PROCA1: variants seen among roughly 807,000 people sequenced by gnomAD.
PROCA1 encodes protein interacting with cyclin A1.
PROCA1 carries 22 observed loss-of-function variants against 23.2 expected under a neutral mutation model. The observed-to-expected ratio is 0.95, with a 90% confidence interval of 0.68 to 1.35. PROCA1 has a LOEUF of 1.35. Among genes scored for constraint, PROCA1 ranks in the 40% most tolerant of loss-of-function variants. PROCA1 has a pLI of 0.00. For missense variants in PROCA1, 469 were observed against 459.8 expected (o/e 1.02, Z -0.18); for synonymous variants, 182 against 179.2 (o/e 1.02, Z -0.12).
chr17:28,703,440 G>T lies in PROCA1; in HGVS notation c.*118C>A. On this transcript the variant is annotated 3_prime_UTR_variant, in exon 5 of 5. Transcript: ENST00000682792. ...GCTGGATTGCCTTTGAGAAACCCCT[G>T]CAGCCCTGAGCCCACCCCTTGCCCC... The T allele has an allele frequency of 9.2e-7, 1 of 1,083,956 alleles. No homozygotes were observed. Among genetic ancestry groups the T allele is most frequent in the Non-Finnish European group, 1.3e-6 (1 of 751,608 alleles). 67.1% of individuals were successfully genotyped at this position (1,083,956 alleles called of 1,614,324 possible). A position where few individuals can be genotyped will look rare whatever the true frequency, so the allele number is the denominator to read the frequency against.
intron 1 of PROCA1, chr17:28,710,946 G>T: frequency 7.7e-7 from 1 of 1,295,628 alleles, no homozygotes; most frequent in South Asian, 1.2e-5. Context: ...AGGCACTGGG[G>T]GTGGGCACCA....
At chr17:28,707,044 T>C in intron 1 of PROCA1, 1 of 329,444 alleles carries the variant, frequency 3.0e-6, no homozygotes, top group South Asian at 2.3e-5. Flanking sequence ...AAGGGCCACC[T>C]ACCAGGACTG....
intron 1 of PROCA1, among the ~76,000 whole-genome samples, chr17:28,707,653 T>A (rs1567716860): frequency 1.3e-5 from 2 of 152,142 alleles, no homozygotes; most frequent in African/African-American, 4.8e-5. Flanking sequence ...AGTGACACCT[T>A]CTCCTTCTTT....
chr17:28,711,169 GATGGAACCGCCCGCTCCCGCCCC>G, intron 1 of PROCA1: 2 of 1,170,478 alleles, frequency 1.7e-6, no homozygotes, highest in Non-Finnish European at 2.1e-6. Context: ...CCTCAGGGTC[GATGGAACCGCCCGCTCCCGCCCC>G]GGCGTCCGGG....
At chr17:28,705,007 T>A in intron 2 of PROCA1, 164 bp from the exon 3 acceptor site, 2 of 638,158 alleles carry the variant, frequency 3.1e-6, no homozygotes, top group Non-Finnish European at 5.4e-6. Flanking sequence ...TAACCCCATG[T>A]CCCAGCAAAG....
At chr17:28,711,282 G>T in intron 1 of PROCA1, 1 of 618,836 alleles carries the variant, frequency 1.6e-6, no homozygotes, top group Non-Finnish European at 2.5e-6. Context: ...CAGTCCGATA[G>T]CCGAGCGTTC....
chr17:28,703,212 C>T lies in PROCA1; in HGVS notation c.*346G>A, dbSNP rs760307300. 6 of 247,338 alleles carry T rather than the reference C, an allele frequency of 2.4e-5. No individual in the cohort carries two copies. The highest frequency in any genetic ancestry group is 6.8e-5 in the African/African-American group (3 of 44,426). 15.3% of individuals were successfully genotyped at this position (247,338 alleles called of 1,614,324 possible). A position where few individuals can be genotyped will look rare whatever the true frequency, so the allele number is the denominator to read the frequency against. On this transcript the variant is annotated 3_prime_UTR_variant, in exon 5 of 5. Transcript: ENST00000682792. ...TGGCACAGAGTGGGTTAAAAAGTTC[C>T]GTTTATTGGGGGTATCGCTGCAGAC...
Position 28,711,601 on chromosome 17 carries a change from C to G in PROCA1, c.60G>C (p.Lys20Asn). The G allele has an allele frequency of 6.2e-7, 1 of 1,612,206 alleles. No homozygotes were observed. The highest frequency in any genetic ancestry group is 1.7e-5 in the Admixed American group (1 of 59,934). ...ATCTGCTCTCATCCCACGAGCGGGC[C>G]TTGGGCTCGGTCTTTTCCTTAGTCC... ...ERWTKEKTEP[K>N]ARSWDESRCR... Residue 20 changes from lysine (K) to asparagine (N), a missense_variant, in exon 1 of 5, where the codon AAG becomes AAC. Coordinates refer to ENST00000682792, the MANE Select transcript of PROCA1 (RefSeq NM_001366301.1).
Position 28,704,315 on chromosome 17 carries a change from C to A in PROCA1, c.432G>T (p.Arg144=), listed in dbSNP as rs913763341. The A allele has an allele frequency of 6.2e-7, 1 of 1,612,624 alleles. No individual in the cohort carries two copies. Among genetic ancestry groups the A allele is most frequent in the East Asian group, 2.2e-5 (1 of 44,892 alleles). The change falls in exon 4 of 5, where the codon CGG becomes CGT. Residue 144 remains arginine (R), a synonymous_variant. Coordinates refer to ENST00000682792, the MANE Select transcript of PROCA1 (RefSeq NM_001366301.1). ...TPEEEHVERF[R]YGWCKSYRPV... ...CACCGGGGCTCACTCACCAGCCATACCGGAATCGCTCCACATGCTCCTCCT... is the reference window on the plus strand; with the variant it reads ...CACCGGGGCTCACTCACCAGCCATAACGGAATCGCTCCACATGCTCCTCCT...
Position 28,704,216 on chromosome 17 carries a change from G to C in PROCA1, c.441-4C>G, listed in dbSNP as rs367591442. Reference sequence around the variant, plus strand: ...GACAGGTCTGTAGCTTTTGCACCTGGGAGAAGGGACAACGGGGGAAGTTTG... The same window carrying C: ...GACAGGTCTGTAGCTTTTGCACCTGCGAGAAGGGACAACGGGGGAAGTTTG... On this transcript the variant is annotated splice_region_variant and splice_polypyrimidine_tract_variant and intron_variant, in intron 4 of 4. Transcript: ENST00000682792. The C allele has an allele frequency of 1.3e-6, 2 of 1,552,392 alleles. No individual in the cohort carries two copies. Among genetic ancestry groups the C allele is most frequent in the Non-Finnish European group, 1.7e-6 (2 of 1,150,702 alleles).
chr17:28,705,040 A>G (rs996564120), intron 2 of PROCA1, 197 bp from the exon 3 acceptor site: 4 of 573,316 alleles, frequency 7.0e-6, no homozygotes, highest in African/African-American at 5.7e-5. Flanking sequence ...TGTCTGATAC[A>G]CAGGAGACCC....
chr17:28,708,614 G>A (rs929324645), intron 1 of PROCA1, among the ~76,000 whole-genome samples: 2 of 151,840 alleles, frequency 1.3e-5, no homozygotes, highest in African/African-American at 4.8e-5. Context: ...GGCCGGGCAC[G>A]GTGGCTCACG....
Position 28,703,949 on chromosome 17 carries a change from T to C in PROCA1, c.704A>G (p.Lys235Arg). The part of the protein sequence containing the change: ...GKGQGSKVIK[K>R]VKKKKEKEKD... ...CTCTTTTTCCTTTTTCTTCTTTACC[T>C]TCTTGATCACCTTGCTGCCCTGACC... The change falls in exon 5 of 5, where the codon AAG becomes AGG. Residue 235 changes from lysine to arginine, a missense_variant. By Grantham distance (26) the Lys-to-Arg change is conservative (BLOSUM62 2). Coordinates refer to ENST00000682792, the MANE Select transcript of PROCA1 (RefSeq NM_001366301.1). The C allele has an allele frequency of 1.2e-6, 2 of 1,612,202 alleles. No individual in the cohort carries two copies. Among genetic ancestry groups the C allele is most frequent in the South Asian group, 2.2e-5 (2 of 90,824 alleles).
At chr17:28,710,692 A>C (rs2151691119) in intron 1 of PROCA1, among the ~76,000 whole-genome samples, 1 of 152,260 alleles carries the variant, frequency 6.6e-6, no homozygotes, top group South Asian at 2.1e-4. Context: ...TCTGCTCTTT[A>C]GTTCCAGAGG....
At chr17:28,704,548 C>T (rs1320508786) in intron 3 of PROCA1, 113 bp from the exon 4 acceptor site, 8 of 1,543,112 alleles carry the variant, frequency 5.2e-6, no homozygotes, top group South Asian at 2.5e-5. Flanking sequence ...AACAGACCTC[C>T]TCCCCATTTC....
At chr17:28,711,133 T>A in intron 1 of PROCA1, 1 of 1,185,974 alleles carries the variant, frequency 8.4e-7, no homozygotes, top group South Asian at 1.6e-5. Context: ...ATGCCACGGG[T>A]GGAACCCTCA....
intron 1 of PROCA1, 168 bp downstream of exon 1, chr17:28,711,402 G>A (rs2032775478): frequency 2.0e-6 from 1 of 495,810 alleles, no homozygotes; most frequent in South Asian, 3.3e-5. Flanking sequence ...CCCGCCCCCG[G>A]CCCTAGCTCC....
chr17:28,711,002 C>T (rs1313043644), intron 1 of PROCA1: 5 of 273,604 alleles, frequency 1.8e-5, no homozygotes, highest in South Asian at 8.1e-5. Context: ...AGGAGTAGGG[C>T]GGGAAGGGAG....
intron 1 of PROCA1, chr17:28,710,823 TC>T (rs1370105288): frequency 1.5e-6 from 2 of 1,303,836 alleles, no homozygotes; most frequent in Non-Finnish European, 2.0e-6. Context: ...ATGGCGTCTT[TC>T]CCCGTGAGGC....
Sources: allele counts gnomAD v4.1 joint callset (sites outside exome capture counted in the v4.1 genomes callset), GRCh38; gene constraint gnomAD v4.1.1; transcripts MANE v1.5; gene names NCBI Gene and HGNC (gene_info 2026-07-23, HGNC 2026-07-21).